The following RIMS1 variants were observed in gnomAD, a reference collection of about 807,000 sequenced individuals.
RIMS1 encodes the protein regulating synaptic membrane exocytosis 1.
RIMS1 carries 83 observed loss-of-function variants against 214.1 expected under a neutral mutation model. The observed-to-expected ratio is 0.39, with a 90% CI of 0.32 to 0.47. The LOEUF is 0.47. Ranked by LOEUF, RIMS1 falls within the 20% of genes least tolerant of loss-of-function variation. RIMS1 has a pLI of 0.99. For synonymous variants in RIMS1, 793 were observed against 786.8 expected (o/e 1.01, Z -0.13); for missense variants, 2,050 against 2,161.8 (o/e 0.95, Z 1.03).
At chr6:72,089,252 G>C (rs1383222765) in intron 2 of RIMS1, among the ~76,000 whole-genome samples, 2 of 152,062 alleles carry the variant, frequency 1.3e-5, no homozygotes, top group Non-Finnish European at 2.9e-5. Flanking sequence ...CATGAGATTT[G>C]AATTGAAACT....
At chr6:72,307,224 T>A in intron 26 of RIMS1, 34 bp from the exon 27 acceptor site, 1 of 1,392,340 alleles carries the variant, frequency 7.2e-7, no homozygotes, top group Non-Finnish European at 1.0e-6. Context: ...GTTCTTCACA[T>A]GTTTTAATAG....
intron 2 of RIMS1, among the ~76,000 whole-genome samples, chr6:72,021,843 G>A (rs1814787940): frequency 6.6e-6 from 1 of 152,088 alleles, no homozygotes; most frequent in Admixed American, 6.6e-5. Context: ...TCAGAAAGCA[G>A]GAAGGGGAGA....
chr6:72,273,573 C>T (rs1282416118), intron 22 of RIMS1, among the ~76,000 whole-genome samples: 6 of 152,012 alleles, frequency 3.9e-5, no homozygotes, highest in East Asian at 1.9e-4. Context: ...TACTGTTAAT[C>T]GCAAGAAAAG....
intron 2 of RIMS1, among the ~76,000 whole-genome samples, chr6:72,088,641 T>A (rs1035731604): frequency 3.9e-5 from 6 of 152,234 alleles, no homozygotes; most frequent in African/African-American, 1.4e-4. Context: ...ACTTATGTTT[T>A]ATCCTTCTTA....
intron 4 of RIMS1, among the ~76,000 whole-genome samples, chr6:72,177,841 C>T (rs2153965336): frequency 6.6e-6 from 1 of 152,290 alleles, no homozygotes; most frequent in South Asian, 2.1e-4. Flanking sequence ...AGTACTGCAC[C>T]TTTTAATGTT....
intron 2 of RIMS1, among the ~76,000 whole-genome samples, chr6:72,088,247 T>G (rs1247003758): frequency 1.3e-5 from 2 of 150,218 alleles, no homozygotes; most frequent in African/African-American, 2.4e-5. Flanking sequence ...ATTTATTTAT[T>G]TATTTATTTA....
intron 2 of RIMS1, among the ~76,000 whole-genome samples, chr6:71,995,518 T>C (rs963814066): frequency 1.4e-5 from 2 of 147,932 alleles, no homozygotes; most frequent in East Asian, 4.0e-4. Flanking sequence ...TTGTTTGTGT[T>C]TGTTTGTGTG....
chr6:72,315,492 A>C (rs1455870308), intron 28 of RIMS1, among the ~76,000 whole-genome samples: 1 of 152,216 alleles, frequency 6.6e-6, no homozygotes, highest in African/African-American at 2.4e-5. Context: ...AGCTAACATA[A>C]AGAGCTACTT....
chr6:72,127,503 C>T (rs901939661), intron 4 of RIMS1, among the ~76,000 whole-genome samples: 5 of 152,132 alleles, frequency 3.3e-5, no homozygotes, highest in Non-Finnish European at 7.4e-5. Context: ...TCTCAGTAAT[C>T]ATTGAAATTT....
chr6:72,025,379 G>T (rs960183007), intron 2 of RIMS1, among the ~76,000 whole-genome samples: 1 of 152,228 alleles, frequency 6.6e-6, no homozygotes, highest in Admixed American at 6.5e-5. Flanking sequence ...ATAGGTGGAA[G>T]AGCTGAAATT....
intron 2 of RIMS1, among the ~76,000 whole-genome samples, chr6:71,992,446 C>CTTTCTT (rs1011376650): frequency 1.4e-5 from 2 of 144,668 alleles, no homozygotes; most frequent in Admixed American, 7.0e-5. Flanking sequence ...TTCTTTCTTT[C>CTTTCTT]TTTCTCTTTC....
intron 28 of RIMS1, among the ~76,000 whole-genome samples, chr6:72,314,966 T>C (rs1271781551): frequency 6.6e-6 from 1 of 152,146 alleles, no homozygotes; most frequent in Non-Finnish European, 1.5e-5. Flanking sequence ...ACCAATTGCA[T>C]AGAATAACTT....
chr6:72,236,871 C>T (rs1589984881), intron 8 of RIMS1, among the ~76,000 whole-genome samples: 2 of 151,954 alleles, frequency 1.3e-5, no homozygotes, highest in East Asian at 3.9e-4. Context: ...CACTTGTGGC[C>T]CACTGACAGC....
intron 4 of RIMS1, among the ~76,000 whole-genome samples, chr6:72,114,021 TTAAG>T (rs2036599040): frequency 6.6e-6 from 1 of 152,184 alleles, no homozygotes; most frequent in South Asian, 2.1e-4. Context: ...CAAATGAACA[TTAAG>T]TAATTATTCT....
At chr6:72,281,731 A>T (rs1291488107) in intron 23 of RIMS1, among the ~76,000 whole-genome samples, 1 of 151,826 alleles carries the variant, frequency 6.6e-6, no homozygotes, top group Admixed American at 6.6e-5. Flanking sequence ...TTCACTTTAC[A>T]TCTTTGCTAA....
chr6:72,032,850 G>A (rs1818534257), intron 2 of RIMS1, among the ~76,000 whole-genome samples: 1 of 152,118 alleles, frequency 6.6e-6, no homozygotes, highest in Non-Finnish European at 1.5e-5. Flanking sequence ...CATTTGCCTT[G>A]TAGGGGAAAA....
chr6:71,958,424 A>C (rs974358032), intron 1 of RIMS1, among the ~76,000 whole-genome samples: 2 of 152,116 alleles, frequency 1.3e-5, no homozygotes, highest in Admixed American at 6.6e-5. Context: ...TGCTTCCTGA[A>C]GAAGTTGGTG....
intron 29 of RIMS1, among the ~76,000 whole-genome samples, chr6:72,360,064 C>A (rs936583160): frequency 1.3e-5 from 2 of 152,056 alleles, no homozygotes; most frequent in African/African-American, 4.8e-5. Flanking sequence ...TGGGCTAAAA[C>A]AGAAAAATTT....
chr6:72,138,481 A>G (rs2041656613), intron 4 of RIMS1, among the ~76,000 whole-genome samples: 1 of 152,204 alleles, frequency 6.6e-6, no homozygotes, highest in South Asian at 2.1e-4. Flanking sequence ...TTTTCAAATA[A>G]ATGAAAATCA....
Sources: allele counts gnomAD v4.1 joint callset (sites outside exome capture counted in the v4.1 genomes callset), GRCh38; gene constraint gnomAD v4.1.1; transcripts MANE v1.5; gene names NCBI Gene and HGNC (gene_info 2026-07-23, HGNC 2026-07-21).